The following JCAD variants were observed in gnomAD, a reference collection of about 807,000 sequenced individuals.
JCAD encodes the protein junctional cadherin 5-associated protein.
In JCAD, 40 loss-of-function variants were observed where a neutral mutation model predicts 98.0. The observed-to-expected ratio is 0.41, with a 90% CI of 0.32 to 0.53. The LOEUF (loss-of-function observed/expected upper bound fraction) is 0.53, where lower values mean the gene tolerates loss of function less well. Ranked by LOEUF, JCAD falls within the 20% of genes least tolerant of loss-of-function variation. The pLI is 0.31. For synonymous variants in JCAD, 691 were observed against 682.3 expected (o/e 1.01, Z -0.20); for missense variants, 1,705 against 1,738.1 (o/e 0.98, Z 0.34).
Position 30,017,755 on chromosome 10 carries a change from G to C in JCAD, c.*128C>G, listed in dbSNP as rs947684553. On this transcript the variant is annotated 3_prime_UTR_variant, in exon 4 of 4. Coordinates refer to ENST00000375377, the MANE Select transcript of JCAD (RefSeq NM_020848.4). ...TTTCCTAGTGGCAGTGGTAAAGAAT[G>C]TTATCAGGATGCTAAAAACTCAGCA... 1.5e-5 allele frequency: 12 copies of C among 812,790 alleles called. No homozygotes were observed. The highest frequency in any genetic ancestry group is 1.2e-4 in the African/African-American group (7 of 58,718). 50.3% of individuals were successfully genotyped at this position (812,790 alleles called of 1,614,324 possible).
At chr10:30,020,326 CAAAAAAAA>C (rs59762991) in intron 3 of JCAD, among the ~76,000 whole-genome samples, 1 of 83,064 alleles carries the variant, frequency 1.2e-5, no homozygotes, top group Non-Finnish European at 2.4e-5. Context: ...GACTCGGTCT[CAAAAAAAA>C]AAAAAAAAAA....
Position 30,031,693 on chromosome 10 carries a change from C to T in JCAD, c.282-1827G>A, listed in dbSNP as rs371507332. On this transcript the variant is annotated intron_variant, in intron 2 of 3. Coordinates refer to ENST00000375377, the MANE Select transcript of JCAD (RefSeq NM_020848.4). Reference sequence around the variant, plus strand: ...CTGACCTCAAGTCTTCCGCCCACCTCGGCCTCCCAAAGTGCTGGGATTAGA... The same window carrying T: ...CTGACCTCAAGTCTTCCGCCCACCTTGGCCTCCCAAAGTGCTGGGATTAGA... Among the ~76,000 whole-genome samples, 8 of 151,346 alleles carry T rather than the reference C, an allele frequency of 5.3e-5. No individual in the cohort carries two copies. The South Asian group carries it at 6.3e-4, about 12-fold the overall frequency.
intron 2 of JCAD, among the ~76,000 whole-genome samples, chr10:30,035,940 G>GA (rs1407896867): frequency 6.6e-6 from 1 of 152,162 alleles, no homozygotes; most frequent in Non-Finnish European, 1.5e-5. Context: ...TGAGGCCAGC[G>GA]AAACAACTAC....
chr10:30,092,118 AT>A, intron 1 of JCAD, among the ~76,000 whole-genome samples: 1 of 113,940 alleles, frequency 8.8e-6, no homozygotes, highest in South Asian at 2.7e-4. Flanking sequence ...ATATATATAT[AT>A]ATATATAAAA....
intron 1 of JCAD, among the ~76,000 whole-genome samples, chr10:30,087,331 C>A (rs899570495): frequency 6.6e-6 from 1 of 152,090 alleles, no homozygotes; most frequent in Non-Finnish European, 1.5e-5. Flanking sequence ...CCCACCTACT[C>A]AGGAGGCTGA....
intron 1 of JCAD, among the ~76,000 whole-genome samples, chr10:30,099,499 A>C (rs1838433861): frequency 6.6e-6 from 1 of 152,246 alleles, no homozygotes; most frequent in Non-Finnish European, 1.5e-5. Flanking sequence ...TTTGTGAAGC[A>C]CTTATTATGT....
chr10:30,028,060 G>A lies in JCAD; in HGVS notation c.2088C>T (p.Ser696=), dbSNP rs746669640. 9 of 1,614,214 alleles carry A rather than the reference G, an allele frequency of 5.6e-6. No homozygotes were observed. In the Admixed American group the frequency reaches 1.5e-4, roughly 27 times the overall value. ...YRDQQTQTSF[S]EEPQSSQLLP... The stretch of plus-strand genomic sequence containing the variant: ...GCAGCTGCGAACTTTGGGGCTCCTC[G>A]GAGAAACTGGTTTGTGTTTGCTGAT... Residue 696 remains serine, a synonymous_variant, in exon 3 of 4, where the codon TCC becomes TCT. Transcript: ENST00000375377.
At chr10:30,101,431 G>A (rs773806603) in intron 1 of JCAD, among the ~76,000 whole-genome samples, 1 of 152,140 alleles carries the variant, frequency 6.6e-6, no homozygotes, top group Non-Finnish European at 1.5e-5. Context: ...TGTTTTATTA[G>A]TAATTCCAAA....
At chr10:30,083,753 C>T (rs978823952) in intron 1 of JCAD, among the ~76,000 whole-genome samples, 1 of 152,062 alleles carries the variant, frequency 6.6e-6, no homozygotes, top group Non-Finnish European at 1.5e-5. Flanking sequence ...GGTGGCTGGG[C>T]GCGATACTCA....
At chr10:30,071,974 G>C (rs568649630) in intron 1 of JCAD, among the ~76,000 whole-genome samples, 1 of 152,082 alleles carries the variant, frequency 6.6e-6, no homozygotes, top group Non-Finnish European at 1.5e-5. Flanking sequence ...TCGATACTCT[G>C]TTCACCTGAG....
chr10:30,018,003 G>A (rs1836573573), intron 3 of JCAD, 86 bp from the exon 4 acceptor site: 2 of 1,038,288 alleles, frequency 1.9e-6, no homozygotes, highest in African/African-American at 1.6e-5. Flanking sequence ...AATTTGTCTA[G>A]GGAACAAAAT....
At chr10:30,047,279 G>C (rs921462684) in intron 2 of JCAD, among the ~76,000 whole-genome samples, 5 of 152,218 alleles carry the variant, frequency 3.3e-5, no homozygotes, top group Non-Finnish European at 7.3e-5. Context: ...GGCTGAGGCA[G>C]GAGAATTGCT....
intron 1 of JCAD, among the ~76,000 whole-genome samples, chr10:30,071,604 C>T (rs569240364): frequency 3.0e-4 from 45 of 152,148 alleles, no homozygotes; most frequent in African/African-American, 9.6e-4. Context: ...CAGGAGTTCA[C>T]GACCAGCCTG....
At chr10:30,113,763 T>C (rs577969662) in intron 1 of JCAD, among the ~76,000 whole-genome samples, 1 of 152,250 alleles carries the variant, frequency 6.6e-6, no homozygotes, top group Admixed American at 6.5e-5. Context: ...CCAGACACCC[T>C]GGACCCTTCC....
intron 3 of JCAD, among the ~76,000 whole-genome samples, chr10:30,018,489 G>A (rs775447911): frequency 1.3e-5 from 2 of 152,064 alleles, no homozygotes; most frequent in Non-Finnish European, 2.9e-5. Flanking sequence ...ACCTGTCAGC[G>A]CAAGGCTTCT....
chr10:30,040,016 G>A (rs1360082626), intron 2 of JCAD, among the ~76,000 whole-genome samples: 2 of 152,226 alleles, frequency 1.3e-5, no homozygotes, highest in East Asian at 3.8e-4. Flanking sequence ...ATTCTCAATG[G>A]AGTAGGTTAT....
intron 1 of JCAD, among the ~76,000 whole-genome samples, chr10:30,101,966 G>A (rs767481875): frequency 3.3e-5 from 5 of 152,106 alleles, no homozygotes; most frequent in Non-Finnish European, 5.9e-5. Flanking sequence ...GAAGTAATGA[G>A]CAGATGCCAG....
At chr10:30,100,246 A>G (rs1838446296) in intron 1 of JCAD, among the ~76,000 whole-genome samples, 1 of 152,204 alleles carries the variant, frequency 6.6e-6, no homozygotes, top group South Asian at 2.1e-4. Context: ...TATTTATAAC[A>G]TAGAGAAGGG....
chr10:30,027,541 C>T lies in JCAD; in HGVS notation c.2607G>A (p.Glu869=), dbSNP rs1411302308. 5 of 1,613,340 alleles carry T rather than the reference C, an allele frequency of 3.1e-6. No homozygotes were observed. The highest frequency in any genetic ancestry group is 2.2e-5 in the East Asian group (1 of 44,900). Residue 869 remains glutamate (E), a synonymous_variant, in exon 3 of 4, where the codon GAG becomes GAA. Coordinates refer to ENST00000375377, the MANE Select transcript of JCAD (RefSeq NM_020848.4). ...CCTCCTGTCTGCAGTGAGCACGGTTCTCCTGCTGCGGCTCCGCCTCACTCT... is the reference window on the plus strand; with the variant it reads ...CCTCCTGTCTGCAGTGAGCACGGTTTTCCTGCTGCGGCTCCGCCTCACTCT... ...SEESEAEPQQ[E]NRAHCRQEDV...
Sources: gnomAD v4.1 joint callset for allele counts (sites outside exome capture counted in the v4.1 genomes callset) on GRCh38, gnomAD v4.1.1 for gene constraint, MANE v1.5 for transcripts, NCBI Gene and HGNC (gene_info 2026-07-23, HGNC 2026-07-21) for gene names.